Variants in PLEKHH2 observed in about 807,000 individuals in gnomAD.
PLEKHH2 encodes the protein pleckstrin homology, MyTH4 and FERM domain containing H2.
A neutral mutation model predicts 187.9 loss-of-function variants in PLEKHH2; 129 were observed. The ratio of observed to expected loss-of-function variants is 0.69; its 90% confidence interval spans 0.59 to 0.79. PLEKHH2 has a LOEUF of 0.79. Ranked by LOEUF, PLEKHH2 falls within the 30% of genes least tolerant of loss-of-function variation. PLEKHH2 has a pLI of 0.00. For missense variants in PLEKHH2, 2,076 were observed against 1,751.2 expected, an observed-to-expected ratio of 1.19 and a Z score of -3.31; for synonymous variants, 686 against 605.6, an observed-to-expected ratio of 1.13 and a Z score of -1.95.
chr2:43,655,279 T>A (rs1666696945), intron 2 of PLEKHH2, among the ~76,000 whole-genome samples: 2 of 151,956 alleles, frequency 1.3e-5, no homozygotes, highest in South Asian at 4.1e-4. Context: ...ATGTTGGGGA[T>A]AATTAAAAAC....
chr2:43,712,031 T>C, intron 14 of PLEKHH2, 194 bp from the exon 15 acceptor site: 3 of 1,269,590 alleles, frequency 2.4e-6, no homozygotes, highest in Non-Finnish European at 3.1e-6. Context: ...CCACAAAAAT[T>C]TAATTGCTGT....
intron 19 of PLEKHH2, among the ~76,000 whole-genome samples, chr2:43,734,070 C>T (rs1275781267): frequency 6.6e-6 from 1 of 152,060 alleles, no homozygotes; most frequent in African/African-American, 2.4e-5. Flanking sequence ...AAAGAAGGAA[C>T]TTTTCTAAAT....
At chr2:43,669,536 C>T (rs1041925807) in intron 2 of PLEKHH2, among the ~76,000 whole-genome samples, 11 of 151,692 alleles carry the variant, frequency 7.3e-5, no homozygotes, top group East Asian at 1.9e-4. Flanking sequence ...ATATAAGACA[C>T]GAATAGCATG....
chr2:43,753,760 G>C lies in PLEKHH2; in HGVS notation c.3795G>C (p.Gln1265His), dbSNP rs1672096101. 2 of 1,566,986 alleles carry C rather than the reference G, an allele frequency of 1.3e-6. No individual in the cohort carries two copies. Among genetic ancestry groups the C allele is most frequent in the Non-Finnish European group, 1.7e-6 (2 of 1,160,190 alleles). ...LALEMAALLS[Q>H]VEIGDFERPF... ...TAGAAATGGCAGCTCTTTTATCTCA[G>C]GTAACTTCCATGTTATATGGAGTAA... The change falls in exon 25 of 30, where the codon CAG becomes CAC. Residue 1265 changes from glutamine to histidine, a missense_variant and splice_region_variant. Transcript: ENST00000282406.
At chr2:43,677,802 C>G (rs1385097609) in intron 2 of PLEKHH2, among the ~76,000 whole-genome samples, 2 of 148,142 alleles carry the variant, frequency 1.4e-5, no homozygotes, top group African/African-American at 2.5e-5. Context: ...TCACCTCCCG[C>G]ACCGGGCAGC....
chr2:43,675,402 C>T (rs372826863), intron 2 of PLEKHH2: 237 of 1,598,242 alleles, frequency 1.5e-4, no homozygotes, highest in Non-Finnish European at 1.9e-4. Context: ...CAACTGGAGG[C>T]AAGAAAACGA....
chr2:43,704,125 A>T, intron 9 of PLEKHH2, 69 bp downstream of exon 9: 1 of 1,079,614 alleles, frequency 9.3e-7, no homozygotes, highest in Non-Finnish European at 1.4e-6. Flanking sequence ...AGTATAATAC[A>T]AATACATGGT....
chr2:43,699,136 T>C (rs1347484755), intron 7 of PLEKHH2, among the ~76,000 whole-genome samples: 1 of 152,168 alleles, frequency 6.6e-6, no homozygotes, highest in African/African-American at 2.4e-5. Flanking sequence ...TTTTGGTGAC[T>C]GCTTTCTTTG....
intron 25 of PLEKHH2, among the ~76,000 whole-genome samples, chr2:43,754,190 ACACAC>A (rs1672116219): frequency 3.2e-5 from 4 of 125,848 alleles, no homozygotes; most frequent in African/African-American, 1.4e-4. Context: ...ACACACACAC[ACACAC>A]ACACACACAC....
At chr2:43,654,416 C>T (rs143750974) in intron 2 of PLEKHH2, among the ~76,000 whole-genome samples, 3,853 of 151,880 alleles carry the variant, frequency 0.025, 51 homozygotes, top group South Asian at 0.059. Context: ...AGGATGGTCT[C>T]GATCTCTTGA....
At chr2:43,718,252 A>G (rs6748373) in intron 15 of PLEKHH2, among the ~76,000 whole-genome samples, 30,736 of 152,036 alleles carry the variant, frequency 0.2, 4,074 homozygotes, top group African/African-American at 0.37. Flanking sequence ...GATTTAAGAA[A>G]TTCTAGGCCA....
intron 1 of PLEKHH2, among the ~76,000 whole-genome samples, chr2:43,643,718 C>T (rs1225748080): frequency 1.3e-5 from 2 of 152,058 alleles, no homozygotes; most frequent in African/African-American, 2.4e-5. Flanking sequence ...CATAGCAGGG[C>T]AGTTCATAGC....
intron 27 of PLEKHH2, among the ~76,000 whole-genome samples, chr2:43,760,259 A>T (rs1049570717): frequency 6.6e-6 from 1 of 151,388 alleles, no homozygotes; most frequent in Admixed American, 6.6e-5. Flanking sequence ...TTTTTTGCTC[A>T]CTTTTCTTTC....
At chr2:43,682,214 A>G (rs1174855540) in intron 3 of PLEKHH2, among the ~76,000 whole-genome samples, 1 of 152,258 alleles carries the variant, frequency 6.6e-6, no homozygotes, top group Non-Finnish European at 1.5e-5. Flanking sequence ...ATTCTTCAGT[A>G]TATCAAAGAT....
At chr2:43,763,119 G>C (rs1672492730) in intron 28 of PLEKHH2, among the ~76,000 whole-genome samples, 1 of 151,904 alleles carries the variant, frequency 6.6e-6, no homozygotes, top group Non-Finnish European at 1.5e-5. Context: ...TTTTCAAGGG[G>C]TTATATTTTC....
At position 43,704,071 on chromosome 2, in the gene PLEKHH2, A is replaced by T. The variant is rs781552456; in HGVS notation, c.1726+15A>T. ...TGTTAATAAAAGTAAGTGCTTTTTC[A>T]TGCTGCCACCTGGATGAACCTTGAG... On this transcript the variant is annotated intron_variant, in intron 9 of 29. Transcript: ENST00000282406. 1 of 1,546,636 alleles carries T rather than the reference A, an allele frequency of 6.5e-7. No individual in the cohort carries two copies. Among genetic ancestry groups the T allele is most frequent in the Admixed American group, 1.7e-5 (1 of 59,234 alleles).
intron 2 of PLEKHH2, among the ~76,000 whole-genome samples, chr2:43,666,335 C>T (rs558794336): frequency 4.2e-4 from 64 of 151,458 alleles, no homozygotes; most frequent in Admixed American, 1.6e-3. Context: ...CTTCGGCTCG[C>T]GCACGGTGCG....
chr2:43,694,647 A>C (rs1669000644), intron 5 of PLEKHH2, 133 bp downstream of exon 5: 1 of 937,662 alleles, frequency 1.1e-6, no homozygotes, highest in Non-Finnish European at 1.5e-6. Context: ...CTTTTGATAA[A>C]TGAGATATAG....
intron 2 of PLEKHH2, chr2:43,675,559 G>C: frequency 6.2e-7 from 1 of 1,613,838 alleles, no homozygotes; most frequent in African/African-American, 1.3e-5. Flanking sequence ...ATTAGACAAT[G>C]CCTCTTCAAT....
Sources: gnomAD v4.1 joint callset for allele counts (sites outside exome capture counted in the v4.1 genomes callset) on GRCh38, gnomAD v4.1.1 for gene constraint, MANE v1.5 for transcripts, NCBI Gene and HGNC (gene_info 2026-07-23, HGNC 2026-07-21) for gene names.